The following ARHGAP20 variants were observed in gnomAD, a reference collection of about 807,000 sequenced individuals.
ARHGAP20 encodes the protein rho GTPase-activating protein 20.
ARHGAP20 carries 34 observed loss-of-function variants against 73.7 expected under a neutral mutation model. The ratio of observed to expected loss-of-function variants is 0.46; its 90% CI spans 0.35 to 0.61. The LOEUF is 0.61. Among genes scored for constraint, ARHGAP20 ranks in the 20% least tolerant of loss-of-function variants. The probability of loss-of-function intolerance (pLI) is 0.00; values close to 1 mark genes in which losing one functional copy is unlikely to be tolerated. For synonymous variants in ARHGAP20, 523 were observed against 518.2 expected (o/e 1.01, Z -0.13); for missense variants, 1,314 against 1,420.9 (o/e 0.92, Z 1.21).
At chr11:110,596,009 T>C (rs1003166836) in intron 9 of ARHGAP20, among the ~76,000 whole-genome samples, 16 of 152,112 alleles carry the variant, frequency 1.1e-4, no homozygotes, top group Non-Finnish European at 2.9e-5. Context: ...AACTATCTGA[T>C]CTTTGACAAA....
At chr11:110,627,915 A>C (rs1948779571) in intron 3 of ARHGAP20, among the ~76,000 whole-genome samples, 1 of 152,234 alleles carries the variant, frequency 6.6e-6, no homozygotes, top group African/African-American at 2.4e-5. Context: ...GTGGTCCCCA[A>C]GTACCCATCT....
chr11:110,603,904 T>A (rs1015933693), intron 9 of ARHGAP20, among the ~76,000 whole-genome samples: 1 of 152,284 alleles, frequency 6.6e-6, no homozygotes, highest in African/African-American at 2.4e-5. Flanking sequence ...TAGATCAGAA[T>A]GTTTGTACTC....
intron 4 of ARHGAP20, among the ~76,000 whole-genome samples, chr11:110,623,422 C>T (rs1324030473): frequency 6.6e-6 from 1 of 152,142 alleles, no homozygotes; most frequent in Non-Finnish European, 1.5e-5. Flanking sequence ...AAAGCATAAT[C>T]ATTAGAAGAG....
At chr11:110,672,388 T>C (rs550741395) in intron 2 of ARHGAP20, among the ~76,000 whole-genome samples, 1 of 152,274 alleles carries the variant, frequency 6.6e-6, no homozygotes, top group African/African-American at 2.4e-5. Context: ...AGTAATTTTA[T>C]AAAATGATGC....
intron 2 of ARHGAP20, among the ~76,000 whole-genome samples, chr11:110,688,282 C>A (rs139667687): frequency 6.6e-6 from 1 of 151,890 alleles, no homozygotes; most frequent in Non-Finnish European, 1.5e-5. Flanking sequence ...CCCTCCTCCC[C>A]CCGCCCCCAA....
intron 2 of ARHGAP20, among the ~76,000 whole-genome samples, chr11:110,660,902 T>C (rs879837182): frequency 6.6e-6 from 1 of 152,224 alleles, no homozygotes; most frequent in Admixed American, 6.5e-5. Context: ...ACTTGCTCTG[T>C]AACCTTAGGC....
At chr11:110,698,396 CCTT>C (rs2135134577) in intron 1 of ARHGAP20, among the ~76,000 whole-genome samples, 1 of 151,834 alleles carries the variant, frequency 6.6e-6, no homozygotes, top group Admixed American at 6.6e-5. Flanking sequence ...TCCATTGTGT[CCTT>C]CTCTGATTTT....
Position 110,635,666 on chromosome 11 carries a change from G to C in ARHGAP20, c.189-4874C>G, listed in dbSNP as rs1444813237. 3.3e-5 allele frequency among the ~76,000 whole-genome samples: 5 copies of C among 152,026 alleles called. No homozygotes were observed. The East Asian group carries it at 9.7e-4, about 29-fold the overall frequency. On this transcript the variant is annotated intron_variant, in intron 2 of 14. Coordinates refer to ENST00000683387, the MANE Select transcript of ARHGAP20 (RefSeq NM_001384657.1). The stretch of plus-strand genomic sequence containing the variant: ...ATGTATAACTTAAATACATATAGGT[G>C]AATGATAAGGCAAGTATATAAATCA...
At chr11:110,650,905 G>A (rs28666414) in intron 2 of ARHGAP20, among the ~76,000 whole-genome samples, 5 of 152,044 alleles carry the variant, frequency 3.3e-5, no homozygotes, top group Non-Finnish European at 7.4e-5. Context: ...GCCCTGATGC[G>A]AGGACAAATC....
rs1433284110 is a variant in ARHGAP20 at position 110,630,784 on chromosome 11, G to C, written c.197C>G (p.Pro66Arg). Residue 66 changes from proline (P) to arginine (R), a missense_variant, in exon 3 of 15, where the codon CCT becomes CGT. Around this residue, in one of 3 missense-constraint regions of ARHGAP20, gnomAD observed 443 missense variants for 466.4 expected, o/e 0.95. Transcript: ENST00000683387. ...TGTGCATGTGTCAACACTAGCAGAA[G>C]GACTGTCCCTGTAACAGATCAAATG... ...LQKRPTTRDS[P>R]SASVDTCTFL... 3 of 1,613,628 alleles carry C rather than the reference G, an allele frequency of 1.9e-6. No individual in the cohort carries two copies. The African/African-American group carries it at 4.0e-5, about 22-fold the overall frequency.
chr11:110,616,836 A>G (rs571496636), intron 4 of ARHGAP20, among the ~76,000 whole-genome samples: 19 of 152,180 alleles, frequency 1.2e-4, no homozygotes, highest in Non-Finnish European at 2.2e-4. Context: ...TGAGAAACAG[A>G]TAAGAGCTTT....
intron 9 of ARHGAP20, among the ~76,000 whole-genome samples, chr11:110,597,637 A>T: frequency 6.6e-6 from 1 of 152,160 alleles, no homozygotes; most frequent in East Asian, 1.9e-4. Context: ...ATAAAAACTT[A>T]TTTGATTTTT....
chr11:110,584,623 C>T (rs551656161), intron 12 of ARHGAP20, among the ~76,000 whole-genome samples: 1 of 151,920 alleles, frequency 6.6e-6, no homozygotes, highest in East Asian at 1.9e-4. Flanking sequence ...CTAGCATAAG[C>T]TTTTGGGTTT....
chr11:110,606,567 G>A lies in ARHGAP20; in HGVS notation c.958C>T (p.Leu320=), dbSNP rs768209918. 1.5e-5 allele frequency: 24 copies of A among 1,609,536 alleles called. No homozygotes were observed. The highest frequency in any genetic ancestry group is 1.2e-4 in the Admixed American group (7 of 59,200). ...KPSRLAAAQQ[L]SDSGHKTFKR... ...TTTGCTAGAAGCAACTCACCACTCA[G>A]TTGCTGGGCTGCAGCCAGGCGGCTG... The change falls in exon 9 of 15, where the codon CTG becomes TTG. Residue 320 remains leucine (L), a synonymous_variant. Coordinates refer to ENST00000683387, the MANE Select transcript of ARHGAP20 (RefSeq NM_001384657.1).
In ARHGAP20 at chr11:110,580,129, G is replaced by A. The variant is rs1357387351; in HGVS notation, c.2817C>T (p.Ser939=). 4.3e-6 allele frequency: 7 copies of A among 1,614,072 alleles called. No individual in the cohort carries two copies. The highest frequency in any genetic ancestry group is 5.9e-6 in the Non-Finnish European group (7 of 1,180,040). The change falls in exon 15 of 15, where the codon TCC becomes TCT. Residue 939 remains serine (S), a synonymous_variant. Transcript: ENST00000683387. ...AGCCGGATGGGGAAGTGCCTGGGGA[G>A]GATAAGCTGGAATAGCTGGTCCTTG... ...LCPRTSYSSL[S]SPGTSPSGSS... is the part of the protein sequence containing the mutation.
Position 110,579,719 on chromosome 11 carries a change from T to A in ARHGAP20, c.3227A>T (p.His1076Leu), listed in dbSNP as rs773730819. 10 of 1,614,000 alleles carry A rather than the reference T, an allele frequency of 6.2e-6. No individual in the cohort carries two copies. Among genetic ancestry groups the A allele is most frequent in the Non-Finnish European group, 6.8e-6 (8 of 1,179,996 alleles). ...SPKGPLEPPP[H>L]ASGVPEANSL... Reference sequence around the variant, plus strand: ...GTTGGCTTCTGGAACACCAGAAGCATGTGGGGGTGGCTCTAAGGGTCCTTT... The same window carrying A: ...GTTGGCTTCTGGAACACCAGAAGCAAGTGGGGGTGGCTCTAAGGGTCCTTT... The change falls in exon 15 of 15, where the codon CAT becomes CTT. Residue 1076 changes from histidine (H) to leucine (L), a missense_variant. Around this residue, in one of 3 missense-constraint regions of ARHGAP20, gnomAD observed 641 missense variants for 636.9 expected, o/e 1.01. Coordinates refer to ENST00000683387, the MANE Select transcript of ARHGAP20 (RefSeq NM_001384657.1).
intron 1 of ARHGAP20, among the ~76,000 whole-genome samples, chr11:110,693,059 AC>A (rs1394573968): frequency 6.6e-6 from 1 of 152,044 alleles, no homozygotes; most frequent in African/African-American, 2.4e-5. Context: ...AAGAAGGGTG[AC>A]AAATTTTGTT....
At chr11:110,644,264 A>G (rs1463000336) in intron 2 of ARHGAP20, among the ~76,000 whole-genome samples, 1 of 152,186 alleles carries the variant, frequency 6.6e-6, no homozygotes. Context: ...AATTCCTATC[A>G]AACTGCCAAT....
intron 2 of ARHGAP20, among the ~76,000 whole-genome samples, chr11:110,647,816 C>A (rs149749988): frequency 6.6e-6 from 1 of 151,926 alleles, no homozygotes; most frequent in Non-Finnish European, 1.5e-5. Context: ...AAAATCTATT[C>A]ATAACTAGAA....
Sources: allele counts gnomAD v4.1 joint callset (sites outside exome capture counted in the v4.1 genomes callset), GRCh38; gene constraint gnomAD v4.1.1; regional missense constraint gnomAD v4.1.1; transcripts MANE v1.5; gene names NCBI Gene and HGNC (gene_info 2026-07-23, HGNC 2026-07-21).